Variants in DPP10 observed in about 807,000 individuals in gnomAD.
The protein encoded by DPP10 is inactive dipeptidyl peptidase 10.
In DPP10, 33 loss-of-function variants were observed where a neutral mutation model predicts 120.9. That is an observed-to-expected ratio of 0.27 (90% CI 0.21 to 0.37). The LOEUF is 0.37. Among genes scored for constraint, DPP10 ranks in the 10% least tolerant of loss-of-function variants. The pLI is 1.00. For missense variants in DPP10, 816 were observed against 942.8 expected, an observed-to-expected ratio of 0.87 and a Z score of 1.76; for synonymous variants, 337 against 326.1, an observed-to-expected ratio of 1.03 and a Z score of -0.36.
chr2:114,925,422 A>T (rs1695548764), intron 1 of DPP10, among the ~76,000 whole-genome samples: 1 of 152,148 alleles, frequency 6.6e-6, no homozygotes, highest in Non-Finnish European at 1.5e-5. Flanking sequence ...TTCACTTTGC[A>T]ATCAGGCTGT....
chr2:115,469,544 G>T (rs980620337), intron 3 of DPP10, among the ~76,000 whole-genome samples: 2 of 152,142 alleles, frequency 1.3e-5, no homozygotes, highest in African/African-American at 2.4e-5. Context: ...TCCCTTCAGA[G>T]GTTCTACGAT....
chr2:115,253,617 C>A (rs146884228), intron 1 of DPP10, among the ~76,000 whole-genome samples: 1 of 152,210 alleles, frequency 6.6e-6, no homozygotes, highest in African/African-American at 2.4e-5. Context: ...AGGTCCCATG[C>A]GAGTTTGAAA....
chr2:115,247,900 T>TAGCC (rs2058602643), intron 1 of DPP10, among the ~76,000 whole-genome samples: 1 of 152,164 alleles, frequency 6.6e-6, no homozygotes, highest in Admixed American at 6.6e-5. Context: ...GGTGGCTGTA[T>TAGCC]AGCCTTCTTA....
chr2:115,201,279 A>G (rs535031527), intron 1 of DPP10, among the ~76,000 whole-genome samples: 67 of 152,204 alleles, frequency 4.4e-4, no homozygotes, highest in African/African-American at 1.6e-3. Context: ...CCTGGACAAC[A>G]TGGTGAAACC....
At chr2:114,452,234 G>A (rs887154433) in intron 1 of DPP10, among the ~76,000 whole-genome samples, 4 of 152,016 alleles carry the variant, frequency 2.6e-5, no homozygotes, top group Non-Finnish European at 5.9e-5. Flanking sequence ...TAATCTCGAA[G>A]AATACCTGGA....
chr2:115,509,006 A>G (rs1267510855), intron 4 of DPP10, among the ~76,000 whole-genome samples: 1 of 152,176 alleles, frequency 6.6e-6, no homozygotes, highest in Non-Finnish European at 1.5e-5. Context: ...GAGTATTAGA[A>G]ACAAAGAATG....
At chr2:115,534,800 C>T (rs1214419299) in intron 5 of DPP10, among the ~76,000 whole-genome samples, 2 of 151,362 alleles carry the variant, frequency 1.3e-5, no homozygotes, top group East Asian at 3.9e-4. Context: ...TAATGATTGC[C>T]ATTCTAACTA....
chr2:115,829,665 T>G (rs1031952289), intron 21 of DPP10, among the ~76,000 whole-genome samples: 1 of 152,144 alleles, frequency 6.6e-6, no homozygotes, highest in African/African-American at 2.4e-5. Flanking sequence ...TTATTTCTTT[T>G]TTTATATATC....
intron 1 of DPP10, among the ~76,000 whole-genome samples, chr2:114,814,168 C>T (rs1439508236): frequency 6.6e-6 from 1 of 152,124 alleles, no homozygotes; most frequent in East Asian, 1.9e-4. Flanking sequence ...TTTAACAAAG[C>T]AATACAACCA....
In DPP10 at chr2:114,892,064, T is replaced by A. The variant is rs185724929; in HGVS notation, c.61-417175T>A. 6.0e-3 allele frequency among the ~76,000 whole-genome samples: 907 copies of A among 152,322 alleles called. 4 individuals carry two copies. Among genetic ancestry groups the A allele is most frequent in the Admixed American group, 8.2e-3 (125 of 15,298 alleles). ...CTTACCCTTACCCCCACCATGTCTC[T>A]GGGCTGAAAACTAATAGTCCCACCA... On this transcript the variant is annotated intron_variant, in intron 1 of 25. Coordinates refer to ENST00000410059, the MANE Select transcript of DPP10 (RefSeq NM_020868.6).
At position 115,119,326 on chromosome 2, in the gene DPP10, G is replaced by C. The variant is rs142742897; in HGVS notation, c.61-189913G>C. On this transcript the variant is annotated intron_variant, in intron 1 of 25. Transcript: ENST00000410059. ...TGCTCAAGTCCTGAGATCTTATCAGGAAGCTGCTAATCACCAGCTTCAGGT... is the reference window on the plus strand; with the variant it reads ...TGCTCAAGTCCTGAGATCTTATCAGCAAGCTGCTAATCACCAGCTTCAGGT... 3.6e-3 allele frequency among the ~76,000 whole-genome samples: 546 copies of C among 152,276 alleles called. 5 individuals are homozygous for C. The highest frequency in any genetic ancestry group is 0.013 in the African/African-American group (524 of 41,560).
intron 1 of DPP10, among the ~76,000 whole-genome samples, chr2:114,444,329 A>C (rs1235455847): frequency 6.6e-6 from 1 of 152,204 alleles, no homozygotes; most frequent in African/African-American, 2.4e-5. Flanking sequence ...TATAAGCTCT[A>C]GTGGGAAATA....
At chr2:114,646,792 T>C (rs1325134712) in intron 1 of DPP10, among the ~76,000 whole-genome samples, 2 of 152,226 alleles carry the variant, frequency 1.3e-5, no homozygotes, top group East Asian at 1.9e-4. Context: ...AAAGGAAACC[T>C]GAAGCTGATT....
chr2:115,009,756 C>T (rs1213798079), intron 1 of DPP10, among the ~76,000 whole-genome samples: 2 of 152,030 alleles, frequency 1.3e-5, no homozygotes, highest in African/African-American at 2.4e-5. Context: ...GCACATGTAT[C>T]CTACAAGTTA....
intron 1 of DPP10, among the ~76,000 whole-genome samples, chr2:115,174,471 A>G (rs1037046632): frequency 6.6e-6 from 1 of 152,252 alleles, no homozygotes; most frequent in Non-Finnish European, 1.5e-5. Context: ...TATTCAGGCC[A>G]TAACTTTTGT....
intron 3 of DPP10, among the ~76,000 whole-genome samples, chr2:115,450,251 A>G (rs555612988): frequency 7.9e-5 from 12 of 152,168 alleles, no homozygotes; most frequent in Admixed American, 2.0e-4. Flanking sequence ...CTATTTTATA[A>G]TAAGGTGTTG....
At chr2:115,790,141 G>A (rs1054158873) in intron 17 of DPP10, among the ~76,000 whole-genome samples, 1 of 148,796 alleles carries the variant, frequency 6.7e-6, no homozygotes, top group Admixed American at 6.8e-5. Context: ...CTGCAGTGGC[G>A]CAATCTCGGC....
At chr2:115,275,860 C>T (rs950692711) in intron 1 of DPP10, among the ~76,000 whole-genome samples, 5 of 151,958 alleles carry the variant, frequency 3.3e-5, no homozygotes, top group Non-Finnish European at 5.9e-5. Context: ...CCACCACGCC[C>T]GGCTAATTTT....
intron 1 of DPP10, among the ~76,000 whole-genome samples, chr2:114,980,107 A>C (rs1168897630): frequency 6.6e-6 from 1 of 152,130 alleles, no homozygotes; most frequent in African/African-American, 2.4e-5. Context: ...TAGCTTTATC[A>C]ATGTATAACT....
Sources: gnomAD v4.1 joint callset for allele counts (sites outside exome capture counted in the v4.1 genomes callset) on GRCh38, gnomAD v4.1.1 for gene constraint, MANE v1.5 for transcripts, NCBI Gene and HGNC (gene_info 2026-07-23, HGNC 2026-07-21) for gene names.